Variants in IGF2R observed in about 807,000 individuals in gnomAD.
IGF2R encodes cation-independent mannose-6-phosphate receptor.
A neutral mutation model predicts 270.6 loss-of-function variants in IGF2R; 91 were observed. The ratio of observed to expected loss-of-function variants is 0.34; its 90% CI spans 0.28 to 0.40. IGF2R has a LOEUF of 0.40. IGF2R is among the 10% of genes least tolerant of loss of function. IGF2R has a pLI of 1.00. For synonymous variants in IGF2R, 1,316 were observed against 1,258.9 expected, an observed-to-expected ratio of 1.05 and a Z score of -0.96; for missense variants, 2,805 against 3,188.3, an observed-to-expected ratio of 0.88 and a Z score of 2.90.
At chr6:160,092,980 T>A (rs1779262433) in intron 44 of IGF2R, 1 of 152,294 alleles carries the variant, frequency 6.6e-6, no homozygotes, top group Non-Finnish European at 1.5e-5. Context: ...AACTTCAGAT[T>A]TACCCTTTCA....
chr6:160,032,482 G>A (rs1248508747), intron 7 of IGF2R, 69 bp from the exon 8 acceptor site: 13 of 1,423,362 alleles, frequency 9.1e-6, no homozygotes, highest in Non-Finnish European at 1.3e-5. Flanking sequence ...CTTTTCATAA[G>A]TGTGGAAAAT....
intron 6 of IGF2R, among the ~76,000 whole-genome samples, chr6:160,028,560 A>G (rs1777616174): frequency 6.6e-6 from 1 of 152,232 alleles, no homozygotes; most frequent in South Asian, 2.1e-4. Flanking sequence ...AAGGCAGGTC[A>G]TCTGTGATCA....
intron 2 of IGF2R, among the ~76,000 whole-genome samples, chr6:160,008,333 T>C (rs1784278441): frequency 6.6e-6 from 1 of 152,252 alleles, no homozygotes; most frequent in Non-Finnish European, 1.5e-5. Context: ...CTATTACTTC[T>C]GTCATAATCA....
At position 160,032,454 on chromosome 6, in the gene IGF2R, TAAC is replaced by T. The variant is rs1012628002; in HGVS notation, c.883-93_883-91del. The T allele has an allele frequency of 6.2e-6, 7 of 1,135,008 alleles. No homozygotes were observed. The African/African-American group carries it at 1.1e-4, about 18-fold the overall frequency. The allele number at this position is 1,135,008 out of a possible 1,614,324, so 70.3% of individuals were successfully genotyped here. On this transcript the variant is annotated intron_variant, in intron 7 of 47. Coordinates refer to ENST00000356956, the MANE Select transcript of IGF2R (RefSeq NM_000876.4). ...ACAGAAACAGCAAAATGTAGAAACC[TAAC>T]AACCTGTCTTTGAGCTTTTCATAAG...
intron 4 of IGF2R, among the ~76,000 whole-genome samples, chr6:160,014,399 C>T (rs867061189): frequency 1.3e-5 from 2 of 152,170 alleles, no homozygotes; most frequent in Non-Finnish European, 1.5e-5. Flanking sequence ...GGGTGTTCCC[C>T]AGTAGCCTTG....
intron 12 of IGF2R, among the ~76,000 whole-genome samples, chr6:160,043,719 T>C (rs1437282159): frequency 6.6e-6 from 1 of 152,268 alleles, no homozygotes; most frequent in Non-Finnish European, 1.5e-5. Context: ...CTTCGCTTCC[T>C]TTTGCTGTCA....
chr6:159,996,026 A>G (rs1784048671), intron 2 of IGF2R, among the ~76,000 whole-genome samples: 1 of 150,114 alleles, frequency 6.7e-6, no homozygotes. Flanking sequence ...GAATGTGAAT[A>G]TAACGTATGT....
chr6:160,025,019 C>T (rs1777529088), intron 5 of IGF2R, among the ~76,000 whole-genome samples: 1 of 152,026 alleles, frequency 6.6e-6, no homozygotes, highest in African/African-American at 2.4e-5. Context: ...TCTGTGTGTG[C>T]CTGAATCCCT....
intron 27 of IGF2R, among the ~76,000 whole-genome samples, chr6:160,064,022 ATTCATGCTGT>A (rs1402577410): frequency 3.3e-5 from 5 of 152,254 alleles, no homozygotes; most frequent in Admixed American, 6.5e-5. Flanking sequence ...GCTGTTGGTC[ATTCATGCTGT>A]TTCAGCAGTT....
chr6:160,060,719 TAAGGCCGTGCGGCCTAAGAACTGA>T lies in IGF2R; in HGVS notation c.3262+3_3262+26del. The T allele has an allele frequency of 6.2e-7, 1 of 1,614,204 alleles. No homozygotes were observed. Among genetic ancestry groups the T allele is most frequent in the Middle Eastern group, 1.6e-4 (1 of 6,062 alleles). On this transcript the variant is annotated splice_donor_5th_base_variant and intron_variant, in intron 23 of 47. Coordinates refer to ENST00000356956, the MANE Select transcript of IGF2R (RefSeq NM_000876.4). ...CTCCAGTGGACTGCCAAGTCACCGG[TAAGGCCGTGCGGCCTAAGAACTGA>T]GAGGCCGGTCAAGAGTCAGTGTGTG...
intron 4 of IGF2R, among the ~76,000 whole-genome samples, chr6:160,022,493 A>G (rs950934304): frequency 9.2e-5 from 14 of 152,244 alleles, no homozygotes; most frequent in African/African-American, 3.4e-4. Context: ...CCATTAGTTC[A>G]TAGGTATGAG....
chr6:160,048,978 G>A (rs8191812), intron 18 of IGF2R, among the ~76,000 whole-genome samples: 32 of 152,138 alleles, frequency 2.1e-4, no homozygotes, highest in African/African-American at 7.5e-4. Flanking sequence ...GCTGCAGTTC[G>A]TCCCTGGGTT....
In IGF2R at chr6:159,969,162, G is replaced by T. The variant is rs926779921; in HGVS notation, c.-85G>T. On this transcript the variant is annotated 5_prime_UTR_variant, in exon 1 of 48. Coordinates refer to ENST00000356956, the MANE Select transcript of IGF2R (RefSeq NM_000876.4). ...CCGTCTCCACCTCCGCCTTTGCCCT[G>T]GCGGCGCGACCCCGTCCCGGGCGCG... 2.0e-4 allele frequency: 164 copies of T among 818,666 alleles called. No homozygotes were observed. Among genetic ancestry groups the T allele is most frequent in the Non-Finnish European group, 2.2e-4 (152 of 679,078 alleles). The allele number at this position is 818,666 out of a possible 1,614,324, so 50.7% of individuals were successfully genotyped here.
chr6:160,059,157 G>A, intron 22 of IGF2R, 59 bp downstream of exon 22: 10 of 1,422,122 alleles, frequency 7.0e-6, no homozygotes, highest in Non-Finnish European at 9.8e-6. Context: ...TCTGTGGCTG[G>A]CCATGCACCT....
chr6:160,065,836 A>ATATATATATATATG (rs1423747636), intron 29 of IGF2R, among the ~76,000 whole-genome samples: 33 of 117,010 alleles, frequency 2.8e-4, no homozygotes, highest in African/African-American at 1.2e-3. Flanking sequence ...ATATATATAT[A>ATATATATATATATG]TATATATATG....
intron 24 of IGF2R, 29 bp downstream of exon 24, chr6:160,061,675 G>A (rs113323610): frequency 1.1e-4 from 185 of 1,613,640 alleles, no homozygotes; most frequent in Non-Finnish European, 1.4e-4. Context: ...CTTGATTGGC[G>A]TCTGTTCATT....
intron 1 of IGF2R, among the ~76,000 whole-genome samples, chr6:159,977,298 C>T (rs9456490): frequency 0.23 from 35,502 of 152,190 alleles, 4,577 homozygotes; most frequent in East Asian, 0.49. Context: ...GACTCCTGAC[C>T]GTGCACTCTG....
At chr6:160,099,429 C>T (rs1293180542) in intron 45 of IGF2R, among the ~76,000 whole-genome samples, 2 of 152,044 alleles carry the variant, frequency 1.3e-5, no homozygotes, top group East Asian at 1.9e-4. Context: ...TGCAGTGGCG[C>T]GATCTCGGCT....
rs140791508 is a variant in IGF2R, at chr6:160,103,404, T to A, written c.6996-342T>A. ...AAGAAGGTCTGGGCCGGGAAGGGCA[T>A]GTGATGTCTGTCTCTGCGAGCCACC... On this transcript the variant is annotated intron_variant, in intron 46 of 47. Transcript: ENST00000356956. 4.2e-3 allele frequency among the ~76,000 whole-genome samples: 631 copies of A among 151,596 alleles called. 6 individuals carry two copies. Among genetic ancestry groups the A allele is most frequent in the Middle Eastern group, 0.014 (4 of 284 alleles).
Sources: gnomAD v4.1 joint callset for allele counts (sites outside exome capture counted in the v4.1 genomes callset) on GRCh38, gnomAD v4.1.1 for gene constraint, MANE v1.5 for transcripts, NCBI Gene and HGNC (gene_info 2026-07-23, HGNC 2026-07-21) for gene names.